Variants in STK38 observed in about 807,000 individuals in gnomAD.
The protein encoded by STK38 is serine/threonine-protein kinase 38.
A neutral mutation model predicts 59.0 loss-of-function variants in STK38; 26 were observed. The ratio of observed to expected loss-of-function variants is 0.44; its 90% CI spans 0.32 to 0.61. STK38 has a LOEUF of 0.61. STK38 is among the 20% of genes least tolerant of loss of function. The probability of loss-of-function intolerance (pLI) is 0.04; values close to 1 mark genes in which losing one functional copy is unlikely to be tolerated. For synonymous variants in STK38, 175 were observed against 176.6 expected, an observed-to-expected ratio of 0.99 and a Z score of 0.07; for missense variants, 433 against 566.0, an observed-to-expected ratio of 0.76 and a Z score of 2.38.
chr6:36,541,059 G>A (rs765885147), intron 1 of STK38, among the ~76,000 whole-genome samples: 21 of 151,286 alleles, frequency 1.4e-4, no homozygotes, highest in African/African-American at 3.9e-4. Context: ...CCAATACACC[G>A]GGCTAATTTT....
At chr6:36,506,455 T>G in intron 9 of STK38, 128 bp downstream of exon 9, 3 of 919,020 alleles carry the variant, frequency 3.3e-6, no homozygotes, top group Admixed American at 2.6e-5. Flanking sequence ...ACAACAGCAC[T>G]CTCTTTAGGT....
At chr6:36,516,967 T>C (rs1777269753) in intron 6 of STK38, among the ~76,000 whole-genome samples, 1 of 152,242 alleles carries the variant, frequency 6.6e-6, no homozygotes, top group South Asian at 2.1e-4. Flanking sequence ...TCTACCAGAC[T>C]CTTTTCTAAC....
At chr6:36,506,684 C>T (rs1412011308) in intron 8 of STK38, 40 bp from the exon 9 acceptor site, 1 of 1,588,204 alleles carries the variant, frequency 6.3e-7, no homozygotes, top group South Asian at 1.1e-5. Flanking sequence ...AAGTTCAGAC[C>T]AAAATGTTTA....
chr6:36,517,628 T>C, intron 6 of STK38, 89 bp downstream of exon 6: 2 of 1,527,378 alleles, frequency 1.3e-6, no homozygotes, highest in Non-Finnish European at 8.8e-7. Context: ...TGAGCACATT[T>C]AAAAGTAGAA....
intron 8 of STK38, among the ~76,000 whole-genome samples, chr6:36,506,944 T>C (rs1431662325): frequency 2.0e-5 from 3 of 152,190 alleles, no homozygotes; most frequent in African/African-American, 4.8e-5. Context: ...TCAACTAGAA[T>C]TGAGGTCCTA....
chr6:36,497,818 A>G lies in STK38; in HGVS notation c.1134T>C (p.Ser378=). The G allele has an allele frequency of 6.2e-7, 1 of 1,613,792 alleles. No homozygotes were observed. The highest frequency in any genetic ancestry group is 1.3e-5 in the African/African-American group (1 of 74,986). Reference sequence around the variant, plus strand: ...AGTCAACGCCTTCAAAAAAAGAGTTACTTTTTATTTCCTCAACTCCAGGAG... The same window carrying G: ...AGTCAACGCCTTCAAAAAAAGAGTTGCTTTTTATTTCCTCAACTCCAGGAG... The part of the protein sequence containing the change: ...IGAPGVEEIK[S]NSFFEGVDWE... The change falls in exon 12 of 14, where the codon AGT becomes AGC. Residue 378 remains serine, a synonymous_variant. Transcript: ENST00000229812.
chr6:36,530,874 G>A (rs1278478015), intron 2 of STK38, among the ~76,000 whole-genome samples: 1 of 151,450 alleles, frequency 6.6e-6, no homozygotes, highest in African/African-American at 2.4e-5. Context: ...ACTTTTAGTA[G>A]ACACGGGGTT....
chr6:36,528,445 A>G (rs879220746), intron 2 of STK38, among the ~76,000 whole-genome samples: 5 of 152,214 alleles, frequency 3.3e-5, no homozygotes, highest in African/African-American at 9.6e-5. Context: ...AATATGACCA[A>G]CTGGCAATAG....
intron 7 of STK38, among the ~76,000 whole-genome samples, chr6:36,514,601 C>A (rs1777202539): frequency 6.6e-6 from 1 of 152,052 alleles, no homozygotes; most frequent in South Asian, 2.1e-4. Flanking sequence ...GTTGGCAGCA[C>A]AGGGATTATC....
chr6:36,507,454 T>G (rs377586216), intron 8 of STK38, 46 bp downstream of exon 8: 3 of 1,522,546 alleles, frequency 2.0e-6, no homozygotes, highest in Admixed American at 3.4e-5. Flanking sequence ...ACAGCTCTTC[T>G]AGGCCCAGTT....
At chr6:36,508,028 G>C (rs1777010039) in intron 7 of STK38, among the ~76,000 whole-genome samples, 1 of 147,094 alleles carries the variant, frequency 6.8e-6, no homozygotes, top group South Asian at 2.1e-4. Flanking sequence ...CGACCTCCCA[G>C]GTTCAAGCAA....
rs1326864678 is a variant in STK38 at position 36,495,629 on chromosome 6, G to T, written c.*155C>A. ...GTTTACAGTTTTTCAGATGCATTATGGAAGAAAATCCTCTTACTACCACAT... is the reference window on the plus strand; with the variant it reads ...GTTTACAGTTTTTCAGATGCATTATTGAAGAAAATCCTCTTACTACCACAT... On this transcript the variant is annotated 3_prime_UTR_variant, in exon 14 of 14. Transcript: ENST00000229812. The T allele has an allele frequency of 4.3e-6, 4 of 940,930 alleles. No homozygotes were observed. The African/African-American group carries it at 5.0e-5, about 12-fold the overall frequency. 58.3% of individuals were successfully genotyped at this position (940,930 alleles called of 1,614,324 possible).
chr6:36,537,120 A>T (rs1777811664), intron 2 of STK38, among the ~76,000 whole-genome samples: 1 of 152,184 alleles, frequency 6.6e-6, no homozygotes, highest in Non-Finnish European at 1.5e-5. Flanking sequence ...AAATCTCAAC[A>T]AACATTTCAC....
intron 9 of STK38, among the ~76,000 whole-genome samples, chr6:36,503,823 GT>G (rs1204785955): frequency 6.6e-6 from 1 of 152,088 alleles, no homozygotes; most frequent in Non-Finnish European, 1.5e-5. Context: ...AGAAACTAGA[GT>G]CTGCCACTGG....
At chr6:36,546,903 A>G (rs985389773) in intron 1 of STK38, among the ~76,000 whole-genome samples, 2 of 152,200 alleles carry the variant, frequency 1.3e-5, no homozygotes, top group African/African-American at 4.8e-5. Context: ...CAACATGGAA[A>G]GGAAAGCCTG....
In STK38 at chr6:36,499,948, C is replaced by G; in HGVS notation, c.877G>C (p.Val293Leu). The G allele has an allele frequency of 6.2e-7, 1 of 1,614,116 alleles. No homozygotes were observed. The part of the protein sequence containing the change: ...VGTPDYIAPE[V>L]FMQTGYNKLC... ...TTGTTGTACCCGGTCTGCATGAACA[C>G]CTCAGGAGCAATGTAGTCAGGAGTG... Residue 293 changes from valine to leucine, a missense_variant, in exon 10 of 14, where the codon GTG (valine) becomes CTG (leucine). Transcript: ENST00000229812.
intron 11 of STK38, among the ~76,000 whole-genome samples, 200 bp from the exon 12 acceptor site, chr6:36,498,075 G>A (rs1776749536): frequency 6.6e-6 from 1 of 151,624 alleles, no homozygotes; most frequent in Admixed American, 6.6e-5. Flanking sequence ...AAGTGGCTGG[G>A]ACCACAGGTT....
chr6:36,529,538 C>G (rs925728259), intron 2 of STK38, among the ~76,000 whole-genome samples: 3 of 152,146 alleles, frequency 2.0e-5, no homozygotes, highest in Non-Finnish European at 4.4e-5. Flanking sequence ...AGGAGAGAGA[C>G]GAAGCCACTT....
intron 9 of STK38, among the ~76,000 whole-genome samples, chr6:36,500,749 ACT>A (rs1776818914): frequency 8.4e-6 from 1 of 118,386 alleles, no homozygotes; most frequent in Admixed American, 9.6e-5. Flanking sequence ...ACAGAGTGAG[ACT>A]CTGTCTCAAA....
Sources: gnomAD v4.1 joint callset for allele counts (sites outside exome capture counted in the v4.1 genomes callset) on GRCh38, gnomAD v4.1.1 for gene constraint, MANE v1.5 for transcripts, NCBI Gene and HGNC (gene_info 2026-07-23, HGNC 2026-07-21) for gene names.